Variants in ARHGAP8 observed in about 807,000 individuals in gnomAD.
ARHGAP8 encodes Rho GTPase activating protein 8.
A neutral mutation model predicts 46.1 loss-of-function variants in ARHGAP8; 62 were observed. The observed-to-expected ratio is 1.34, with a 90% CI of 1.10 to 1.66. The LOEUF is 1.66. Ranked by LOEUF, ARHGAP8 falls within the 40% of genes most tolerant of loss-of-function variation. ARHGAP8 has a pLI of 0.00. For missense variants in ARHGAP8, 923 were observed against 568.4 expected (o/e 1.62, Z -6.34); for synonymous variants, 375 against 243.1 (o/e 1.54, Z -5.05).
chr22:44,762,968 A>T (rs988197024), intron 1 of ARHGAP8, among the ~76,000 whole-genome samples: 1 of 152,174 alleles, frequency 6.6e-6, no homozygotes, highest in Non-Finnish European at 1.5e-5. Context: ...AGTTGGAGCT[A>T]TCAGTCCCTC....
intron 1 of ARHGAP8, among the ~76,000 whole-genome samples, chr22:44,768,319 A>T (rs1316607934): frequency 6.7e-6 from 1 of 148,514 alleles, no homozygotes; most frequent in Non-Finnish European, 1.5e-5. Flanking sequence ...GTTGTTTTTG[A>T]GACAGCGTCT....
intron 1 of ARHGAP8, among the ~76,000 whole-genome samples, chr22:44,780,317 A>T (rs535534014): frequency 6.6e-6 from 1 of 152,094 alleles, no homozygotes; most frequent in South Asian, 2.1e-4. Flanking sequence ...TGATTGCGCC[A>T]CTGCACTCCA....
At chr22:44,861,161 G>A (rs142656421) in intron 11 of ARHGAP8, among the ~76,000 whole-genome samples, 3,901 of 152,186 alleles carry the variant, frequency 0.026, 142 homozygotes, top group African/African-American at 0.081. Context: ...TAGTAGAGAT[G>A]GGGTTTCGTC....
intron 8 of ARHGAP8, among the ~76,000 whole-genome samples, chr22:44,845,775 C>G (rs2069939482): frequency 6.6e-6 from 1 of 152,158 alleles, no homozygotes; most frequent in Non-Finnish European, 1.5e-5. Flanking sequence ...CAGTCAAGAA[C>G]TTGGAGTGGG....
chr22:44,798,289 T>G (rs1205746962), intron 2 of ARHGAP8, among the ~76,000 whole-genome samples: 2 of 152,042 alleles, frequency 1.3e-5, no homozygotes, highest in African/African-American at 4.8e-5. Flanking sequence ...AAAATTTTTT[T>G]AGAGACAAGG....
At chr22:44,852,205 A>T (rs2070112304) in intron 10 of ARHGAP8, among the ~76,000 whole-genome samples, 1 of 151,390 alleles carries the variant, frequency 6.6e-6, no homozygotes, top group Non-Finnish European at 1.5e-5. Flanking sequence ...AAAAAAAAAA[A>T]AAAAAAAAAA....
At chr22:44,834,155 C>T (rs1457206119) in intron 7 of ARHGAP8, among the ~76,000 whole-genome samples, 1 of 151,930 alleles carries the variant, frequency 6.6e-6, no homozygotes, top group African/African-American at 2.4e-5. Flanking sequence ...ATTTCTACTC[C>T]AGTCTTTATT....
Position 44,823,153 on chromosome 22 carries a change from C to T in ARHGAP8, c.485+684C>T, listed in dbSNP as rs186161583. 2.4e-4 allele frequency among the ~76,000 whole-genome samples: 37 copies of T among 152,280 alleles called. 1 individual carries two copies. Among genetic ancestry groups the T allele is most frequent in the Admixed American group, 2.1e-3 (32 of 15,302 alleles). ...ATGGAGATAATAACTTCTCTCCGGA[C>T]GCCAAGTCACATGGCAGGTGCTGGG... On this transcript the variant is annotated intron_variant, in intron 6 of 11. Coordinates refer to ENST00000356099, the MANE Select transcript of ARHGAP8 (RefSeq NM_181335.3).
chr22:44,832,249 CAG>C (rs1931000430), intron 7 of ARHGAP8, among the ~76,000 whole-genome samples: 2 of 121,514 alleles, frequency 1.6e-5, no homozygotes, highest in African/African-American at 3.2e-5. Flanking sequence ...TTTTTAAAGA[CAG>C]AGTCTTGCCC....
At chr22:44,851,274 C>A (rs908212153) in intron 10 of ARHGAP8, among the ~76,000 whole-genome samples, 1 of 152,128 alleles carries the variant, frequency 6.6e-6, no homozygotes, top group Non-Finnish European at 1.5e-5. Flanking sequence ...TCCTGCTACC[C>A]GTCTTAGGTT....
At position 44,862,781 on chromosome 22, in the gene ARHGAP8, A is replaced by AT. The variant is rs2070565869; in HGVS notation, c.*187dup. The AT allele has an allele frequency of 1.5e-6, 1 of 680,820 alleles. No individual in the cohort carries two copies. Among genetic ancestry groups the AT allele is most frequent in the Admixed American group, 3.3e-5 (1 of 30,526 alleles). The allele number at this position is 680,820 out of a possible 1,614,324, so 42.2% of individuals were successfully genotyped here. On this transcript the variant is annotated 3_prime_UTR_variant, in exon 12 of 12. Coordinates refer to ENST00000356099, the MANE Select transcript of ARHGAP8 (RefSeq NM_181335.3). ...TTCCTGAGCTGTGGACCGGGATAGA[A>AT]TAATGCATTTGTTAGGATGGATGTT...
intron 2 of ARHGAP8, among the ~76,000 whole-genome samples, chr22:44,786,851 CA>C (rs959134778): frequency 4.6e-5 from 7 of 151,332 alleles, no homozygotes. Flanking sequence ...CCCATCTCTA[CA>C]AAAAAAATAC....
rs541524505 is a variant in ARHGAP8, at chr22:44,758,630, A to T, written c.-72+6003A>T. On this transcript the variant is annotated intron_variant, in intron 1 of 11. Coordinates refer to ENST00000356099, the MANE Select transcript of ARHGAP8 (RefSeq NM_181335.3). ...GTTCCAGGTAGTGGGGAGGGGGGGAACATAGCGTGTGCAAAGGCCGTGAGG... is the reference window on the plus strand; with the variant it reads ...GTTCCAGGTAGTGGGGAGGGGGGGATCATAGCGTGTGCAAAGGCCGTGAGG... Among the ~76,000 whole-genome samples the T allele has an allele frequency of 1.1e-4, 16 of 145,546 alleles. No homozygotes were observed. The East Asian group carries it at 3.4e-3, about 31-fold the overall frequency.
intron 1 of ARHGAP8, among the ~76,000 whole-genome samples, chr22:44,777,496 G>A (rs1926509630): frequency 6.6e-6 from 1 of 151,990 alleles, no homozygotes; most frequent in African/African-American, 2.4e-5. Flanking sequence ...TCTCTTGGCA[G>A]AAATTCAAAG....
intron 2 of ARHGAP8, among the ~76,000 whole-genome samples, chr22:44,790,676 C>CAAA (rs369579126): frequency 0.025 from 1,242 of 49,302 alleles, 47 homozygotes; most frequent in African/African-American, 0.071. Context: ...AACTCTGTCT[C>CAAA]AAAAAAAAAA....
At chr22:44,859,520 T>C in intron 10 of ARHGAP8, 1 of 590,990 alleles carries the variant, frequency 1.7e-6, no homozygotes, top group East Asian at 2.8e-5. Context: ...TCTTTTCTTA[T>C]AAATAACCCC....
chr22:44,823,308 G>A lies in ARHGAP8; in HGVS notation c.485+839G>A, dbSNP rs1321918181. Among the ~76,000 whole-genome samples, 5 of 152,216 alleles carry A rather than the reference G, an allele frequency of 3.3e-5. 1 individual carries two copies. The highest frequency in any genetic ancestry group is 4.1e-4 in the South Asian group (2 of 4,822). On this transcript the variant is annotated intron_variant, in intron 6 of 11. Transcript: ENST00000356099. ...GCTGGGGAGGGGACTGGTGTGTGGG[G>A]GTAATCCAGGAAGACTTCTAGGAGG...
chr22:44,754,962 T>C (rs1393541263), intron 1 of ARHGAP8, among the ~76,000 whole-genome samples: 1 of 151,882 alleles, frequency 6.6e-6, no homozygotes, highest in South Asian at 2.1e-4. Context: ...GCAGACCTGG[T>C]TTTTAGGCAG....
intron 1 of ARHGAP8, among the ~76,000 whole-genome samples, chr22:44,772,924 T>C (rs569238508): frequency 6.6e-6 from 1 of 151,156 alleles, no homozygotes; most frequent in South Asian, 2.1e-4. Context: ...GTTCAAGCGG[T>C]CCTCCTACTT....
Sources: allele counts gnomAD v4.1 joint callset (sites outside exome capture counted in the v4.1 genomes callset), GRCh38; gene constraint gnomAD v4.1.1; transcripts MANE v1.5; gene names NCBI Gene and HGNC (gene_info 2026-07-23, HGNC 2026-07-21).